Variants in PAIP2B observed in about 807,000 individuals in gnomAD.
PAIP2B encodes the protein polyadenylate-binding protein-interacting protein 2B.
PAIP2B carries 13 observed loss-of-function variants against 17.0 expected under a neutral mutation model. The observed-to-expected ratio is 0.76, with a 90% CI of 0.50 to 1.22. The LOEUF is 1.22. Ranked by LOEUF, PAIP2B falls within the 50% of genes most tolerant of loss-of-function variation. The pLI is 0.00. For missense variants in PAIP2B, 117 were observed against 144.5 expected, an observed-to-expected ratio of 0.81 and a Z score of 0.98; for synonymous variants, 43 against 48.7, an observed-to-expected ratio of 0.88 and a Z score of 0.48.
At chr2:71,208,411 A>C (rs1176299727) in intron 1 of PAIP2B, among the ~76,000 whole-genome samples, 1 of 151,052 alleles carries the variant, frequency 6.6e-6, no homozygotes, top group Non-Finnish European at 1.5e-5. Context: ...TGATGGAGCG[A>C]GACTCCATTT....
At chr2:71,195,385 A>G (rs979611353) in intron 2 of PAIP2B, among the ~76,000 whole-genome samples, 2 of 152,108 alleles carry the variant, frequency 1.3e-5, no homozygotes, top group Admixed American at 1.3e-4. Context: ...TTTATTACTG[A>G]TACAATTTCA....
intron 2 of PAIP2B, among the ~76,000 whole-genome samples, chr2:71,194,424 G>A (rs1363157935): frequency 6.6e-6 from 1 of 150,888 alleles, no homozygotes; most frequent in Admixed American, 6.6e-5. Context: ...TCATTGTAGA[G>A]ATCTTTTACC....
chr2:71,201,986 T>G (rs1021231092), intron 2 of PAIP2B, among the ~76,000 whole-genome samples: 1 of 152,242 alleles, frequency 6.6e-6, no homozygotes, highest in Non-Finnish European at 1.5e-5. Context: ...TTGATTTAAA[T>G]TCTGGGAATA....
chr2:71,194,111 G>A (rs1010317797), intron 2 of PAIP2B, among the ~76,000 whole-genome samples: 1 of 152,124 alleles, frequency 6.6e-6, no homozygotes. Flanking sequence ...TGCTATTTTG[G>A]TCACTGTAGA....
At position 71,183,614 on chromosome 2, in the gene PAIP2B, T is replaced by A. The variant is rs1221731158; in HGVS notation, c.*4865A>T. 2.0e-5 allele frequency: 3 copies of A among 151,218 alleles called. 1 individual carries two copies. The highest frequency in any genetic ancestry group is 7.3e-5 in the African/African-American group (3 of 41,064). 9.4% of individuals were successfully genotyped at this position (151,218 alleles called of 1,614,324 possible). A position where few individuals can be genotyped will look rare whatever the true frequency, so the allele number is the denominator to read the frequency against. ...CTACTCAGCAATAAAAGGAACAAAC[T>A]ACCAAGACGTTATCTGTCATGGACA... On this transcript the variant is annotated 3_prime_UTR_variant, in exon 4 of 4. Coordinates refer to ENST00000244221, the MANE Select transcript of PAIP2B (RefSeq NM_020459.1).
chr2:71,194,299 T>G (rs1674760220), intron 2 of PAIP2B, among the ~76,000 whole-genome samples: 1 of 152,238 alleles, frequency 6.6e-6, no homozygotes, highest in South Asian at 2.1e-4. Flanking sequence ...ATCTGTAAAC[T>G]GCTTTGGGCA....
chr2:71,200,930 C>T (rs1674964404), intron 2 of PAIP2B, among the ~76,000 whole-genome samples: 1 of 151,910 alleles, frequency 6.6e-6, no homozygotes, highest in African/African-American at 2.4e-5. Flanking sequence ...TCTGTCATTG[C>T]TTACCTAGAT....
intron 2 of PAIP2B, among the ~76,000 whole-genome samples, chr2:71,192,452 C>T (rs1216826952): frequency 6.6e-6 from 1 of 150,684 alleles, no homozygotes; most frequent in Non-Finnish European, 1.5e-5. Context: ...TTTGATGTTA[C>T]TTTTTTTTTA....
chr2:71,200,662 C>G (rs1400309410), intron 2 of PAIP2B, among the ~76,000 whole-genome samples: 2 of 152,068 alleles, frequency 1.3e-5, no homozygotes, highest in Non-Finnish European at 2.9e-5. Flanking sequence ...TAAGGCAAGA[C>G]AATGGTTTGA....
chr2:71,192,243 T>C lies in PAIP2B; in HGVS notation c.139-2222A>G, dbSNP rs182155564. Among the ~76,000 whole-genome samples the C allele has an allele frequency of 9.3e-5, 14 of 150,554 alleles. No individual in the cohort carries two copies. In the East Asian group the frequency reaches 2.8e-3, roughly 30 times the overall value. On this transcript the variant is annotated intron_variant, in intron 2 of 3. Transcript: ENST00000244221. The stretch of plus-strand genomic sequence containing the variant: ...CACGTTTTATTGCATTTTGCTGTAT[T>C]TTGCTTCATAGATACTGCATTTTTT...
In PAIP2B at chr2:71,216,585, C is replaced by G. The variant is rs192501188; in HGVS notation, c.-12+10343G>C. On this transcript the variant is annotated intron_variant, in intron 1 of 3. Transcript: ENST00000244221. ...ATTTTTAGTATACAAGAATGGTTCTCAAAAATGTAGTCTCTGGACCAGCAG... is the reference window on the plus strand; with the variant it reads ...ATTTTTAGTATACAAGAATGGTTCTGAAAAATGTAGTCTCTGGACCAGCAG... 2.2e-4 allele frequency among the ~76,000 whole-genome samples: 33 copies of G among 152,232 alleles called. 1 individual carries two copies. The highest frequency in any genetic ancestry group is 4.3e-4 in the Non-Finnish European group (29 of 68,016).
At chr2:71,212,905 C>A (rs1022466136) in intron 1 of PAIP2B, among the ~76,000 whole-genome samples, 1 of 151,120 alleles carries the variant, frequency 6.6e-6, no homozygotes, top group Non-Finnish European at 1.5e-5. Flanking sequence ...AGGTGTACAC[C>A]ACCAGGCATG....
Position 71,214,602 on chromosome 2 carries a change from A to G in PAIP2B, c.-11-12002T>C, listed in dbSNP as rs527339269. On this transcript the variant is annotated intron_variant, in intron 1 of 3. Coordinates refer to ENST00000244221, the MANE Select transcript of PAIP2B (RefSeq NM_020459.1). The stretch of plus-strand genomic sequence containing the variant: ...AAGAATTTTTCATATGTTTTATGTC[A>G]AAACTTGCAGGACAGTAAAATTTGG... Among the ~76,000 whole-genome samples the G allele has an allele frequency of 2.0e-5, 3 of 152,332 alleles. No individual in the cohort carries two copies. The East Asian group carries it at 5.8e-4, about 29-fold the overall frequency.
intron 1 of PAIP2B, among the ~76,000 whole-genome samples, chr2:71,208,889 C>T (rs1675215139): frequency 6.6e-6 from 1 of 152,152 alleles, no homozygotes; most frequent in Non-Finnish European, 1.5e-5. Flanking sequence ...AAATTCTCCC[C>T]TAGAGCCTCC....
intron 1 of PAIP2B, among the ~76,000 whole-genome samples, chr2:71,203,470 A>G (rs932243692): frequency 6.6e-6 from 1 of 152,106 alleles, no homozygotes; most frequent in African/African-American, 2.4e-5. Context: ...AATTCCCACC[A>G]GTGGTGTGGA....
intron 1 of PAIP2B, among the ~76,000 whole-genome samples, chr2:71,226,533 G>T (rs1308564305): frequency 6.6e-6 from 1 of 152,202 alleles, no homozygotes; most frequent in Non-Finnish European, 1.5e-5. Flanking sequence ...AGGGGCGGGG[G>T]ATGCCGCGCG....
chr2:71,205,022 T>G (rs1675091092), intron 1 of PAIP2B, among the ~76,000 whole-genome samples: 1 of 151,714 alleles, frequency 6.6e-6, no homozygotes, highest in Non-Finnish European at 1.5e-5. Context: ...TGTACATGAT[T>G]GTAAGGCAAA....
chr2:71,192,992 C>A (rs1324392169), intron 2 of PAIP2B, among the ~76,000 whole-genome samples: 1 of 152,130 alleles, frequency 6.6e-6, no homozygotes, highest in Non-Finnish European at 1.5e-5. Flanking sequence ...GTAGTTTTAG[C>A]TCTTTGAGGA....
At chr2:71,215,466 T>C (rs1233515965) in intron 1 of PAIP2B, among the ~76,000 whole-genome samples, 1 of 152,230 alleles carries the variant, frequency 6.6e-6, no homozygotes, top group Non-Finnish European at 1.5e-5. Context: ...ACCAGTTTAA[T>C]CTGTGGGTTC....
Sources: gnomAD v4.1 joint callset for allele counts (sites outside exome capture counted in the v4.1 genomes callset) on GRCh38, gnomAD v4.1.1 for gene constraint, MANE v1.5 for transcripts, NCBI Gene and HGNC (gene_info 2026-07-23, HGNC 2026-07-21) for gene names.